DAB1: variants seen among roughly 807,000 people sequenced by gnomAD.
DAB1 encodes the protein DAB adaptor protein 1, also known as disabled homolog 1.
In DAB1, 15 loss-of-function variants were observed where a neutral mutation model predicts 64.6. The ratio of observed to expected loss-of-function variants is 0.23; its 90% confidence interval spans 0.16 to 0.36. The LOEUF (loss-of-function observed/expected upper bound fraction) is 0.36, where lower values mean the gene tolerates loss of function less well. Ranked by LOEUF, DAB1 falls within the 10% of genes least tolerant of loss-of-function variation. The pLI is 1.00. For synonymous variants in DAB1, 235 were observed against 251.9 expected, an observed-to-expected ratio of 0.93 and a Z score of 0.64; for missense variants, 596 against 706.7, an observed-to-expected ratio of 0.84 and a Z score of 1.78.
chr1:57,580,381 C>A (rs774810587), intron 7 of DAB1, among the ~76,000 whole-genome samples: 2 of 152,116 alleles, frequency 1.3e-5, no homozygotes, highest in Non-Finnish European at 2.9e-5. Flanking sequence ...GGCCAACCGA[C>A]TGTGACAATC....
In DAB1 at chr1:57,666,093, G is replaced by C. The variant is rs115958175; in HGVS notation, n.552-16428C>G. On this transcript the variant is annotated intron_variant and non_coding_transcript_variant, in intron 6 of 20. Transcript: ENST00000485760. ...TGTCTAAGTTAAAAAAGTTGCTAGAGGAAAAACAAAGCAATAGAAGTTAGA... is the reference window on the plus strand; with the variant it reads ...TGTCTAAGTTAAAAAAGTTGCTAGACGAAAAACAAAGCAATAGAAGTTAGA... 3.9e-3 allele frequency among the ~76,000 whole-genome samples: 593 copies of C among 152,010 alleles called. 3 individuals carry two copies. The highest frequency in any genetic ancestry group is 0.014 in the African/African-American group (569 of 41,504).
At chr1:57,010,935 T>A in intron 13 of DAB1, 145 bp from the exon 14 acceptor site, 1 of 861,372 alleles carries the variant, frequency 1.2e-6, no homozygotes, top group Non-Finnish European at 1.8e-6. Flanking sequence ...ACCACAAATG[T>A]GGACTTGTAG....
chr1:57,563,194 AC>A (rs1645073553), intron 7 of DAB1, among the ~76,000 whole-genome samples: 1 of 152,224 alleles, frequency 6.6e-6, no homozygotes, highest in Non-Finnish European at 1.5e-5. Context: ...AATACCAGGT[AC>A]AACCACATGA....
In DAB1 at chr1:58,274,894, C is replaced by T. The variant is rs999185636; in HGVS notation, n.309+68458G>A. Among the ~76,000 whole-genome samples, 251 of 152,108 alleles carry T rather than the reference C, an allele frequency of 1.7e-3. 1 individual carries two copies. The highest frequency in any genetic ancestry group is 5.4e-3 in the African/African-American group (225 of 41,496). ...CACGGTGCGCGCACCCACTGGCCTGCGCCCACTGTCTGGCACTCCCTAGTG... is the reference window on the plus strand; with the variant it reads ...CACGGTGCGCGCACCCACTGGCCTGTGCCCACTGTCTGGCACTCCCTAGTG... On this transcript the variant is annotated intron_variant and non_coding_transcript_variant, in intron 4 of 20. Transcript: ENST00000485760.
chr1:57,157,139 A>C (rs1390323258), intron 2 of DAB1, among the ~76,000 whole-genome samples: 1 of 152,194 alleles, frequency 6.6e-6, no homozygotes, highest in South Asian at 2.1e-4. Flanking sequence ...AAGTTATTTC[A>C]CATCCAAGAC....
intron 4 of DAB1, among the ~76,000 whole-genome samples, chr1:58,242,769 T>C (rs1660355029): frequency 6.6e-6 from 1 of 152,036 alleles, no homozygotes; most frequent in Non-Finnish European, 1.5e-5. Flanking sequence ...CTATTGGATC[T>C]GGGGGATAGT....
intron 9 of DAB1, among the ~76,000 whole-genome samples, chr1:57,039,927 A>T (rs866149043): frequency 2.3e-4 from 35 of 152,218 alleles, no homozygotes; most frequent in African/African-American, 8.4e-4. Flanking sequence ...GAGGTCTGTC[A>T]TAAGACTGTG....
chr1:57,524,367 T>C (rs11207056), intron 7 of DAB1, among the ~76,000 whole-genome samples: 1,744 of 152,232 alleles, frequency 0.011, 26 homozygotes, highest in African/African-American at 0.04. Flanking sequence ...AAGTTGAACA[T>C]AAAAACTTAG....
intron 3 of DAB1, among the ~76,000 whole-genome samples, chr1:58,496,610 G>C (rs1164238733): frequency 1.3e-5 from 2 of 152,120 alleles, no homozygotes; most frequent in African/African-American, 4.8e-5. Context: ...GAGGGTCCTT[G>C]TGGAGTTATT....
intron 5 of DAB1, among the ~76,000 whole-genome samples, chr1:58,084,113 C>T (rs1650162024): frequency 6.6e-6 from 1 of 152,132 alleles, no homozygotes; most frequent in South Asian, 2.1e-4. Context: ...TATGTAAAGA[C>T]TTAAATAGTT....
chr1:58,275,735 A>T lies in DAB1; in HGVS notation n.309+67617T>A, dbSNP rs1423593702. Among the ~76,000 whole-genome samples, 4 of 152,318 alleles carry T rather than the reference A, an allele frequency of 2.6e-5. No homozygotes were observed. The East Asian group carries it at 7.7e-4, about 29-fold the overall frequency. On this transcript the variant is annotated intron_variant and non_coding_transcript_variant, in intron 4 of 20. Transcript: ENST00000485760. ...CTATGTACTCTTTGTGGGAACATAA[A>T]ATGGTTCAGCTGCTACAGAAATAGT... is the stretch of plus-strand genomic sequence containing the variant.
chr1:57,695,376 G>T (rs1333676455), intron 6 of DAB1, among the ~76,000 whole-genome samples: 1 of 62,284 alleles, frequency 1.6e-5, no homozygotes, highest in Non-Finnish European at 3.1e-5. Context: ...AAGAAAGAAA[G>T]AAAGAAAGAA....
At chr1:57,454,851 A>T (rs1417605582) in intron 7 of DAB1, among the ~76,000 whole-genome samples, 2 of 152,178 alleles carry the variant, frequency 1.3e-5, no homozygotes, top group African/African-American at 4.8e-5. Flanking sequence ...GGGATTCTAA[A>T]ATCAATAAAC....
At chr1:57,676,662 A>G (rs1229340708) in intron 6 of DAB1, among the ~76,000 whole-genome samples, 3 of 152,166 alleles carry the variant, frequency 2.0e-5, no homozygotes, top group Admixed American at 6.5e-5. Flanking sequence ...ACTGTTAATG[A>G]TATGCCTCAA....
At chr1:58,122,341 T>A (rs1652797173) in intron 5 of DAB1, among the ~76,000 whole-genome samples, 1 of 152,200 alleles carries the variant, frequency 6.6e-6, no homozygotes, top group Non-Finnish European at 1.5e-5. Context: ...TTCCTGCTAA[T>A]TTGCTGTCTC....
At chr1:58,193,020 T>C (rs1178635679) in intron 4 of DAB1, among the ~76,000 whole-genome samples, 1 of 152,212 alleles carries the variant, frequency 6.6e-6, no homozygotes, top group Non-Finnish European at 1.5e-5. Context: ...TGATATCTAA[T>C]ATTTATTATT....
chr1:57,254,655 G>A (rs1669620753), intron 2 of DAB1, among the ~76,000 whole-genome samples: 2 of 152,068 alleles, frequency 1.3e-5, no homozygotes, highest in African/African-American at 4.8e-5. Context: ...TCATCATGTT[G>A]GTTGGCTCCA....
intron 4 of DAB1, among the ~76,000 whole-genome samples, chr1:58,289,982 G>T (rs1352964197): frequency 6.6e-6 from 1 of 152,204 alleles, no homozygotes; most frequent in Non-Finnish European, 1.5e-5. Flanking sequence ...TATGGAAAGA[G>T]AGCCCTGGAC....
Position 57,726,077 on chromosome 1 carries a change from C to T in DAB1, n.552-76412G>A, listed in dbSNP as rs544094122. ...CCTATCTGTTCTTTCAGTAATCTCCCATTGAACTAGCACACCTGGGCCATG... is the reference window on the plus strand; with the variant it reads ...CCTATCTGTTCTTTCAGTAATCTCCTATTGAACTAGCACACCTGGGCCATG... On this transcript the variant is annotated intron_variant and non_coding_transcript_variant, in intron 6 of 20. Coordinates refer to the DAB1 transcript ENST00000485760. 4.8e-4 allele frequency among the ~76,000 whole-genome samples: 73 copies of T among 152,276 alleles called. 1 individual carries two copies. Among genetic ancestry groups the T allele is most frequent in the African/African-American group, 1.7e-3 (72 of 41,556 alleles).
Sources: allele counts gnomAD v4.1 joint callset (sites outside exome capture counted in the v4.1 genomes callset), GRCh38; gene constraint gnomAD v4.1.1; transcripts MANE v1.5; gene names NCBI Gene and HGNC (gene_info 2026-07-23, HGNC 2026-07-21).